Variants in ZNF699 observed in about 807,000 individuals in gnomAD.
ZNF699 encodes zinc finger protein 699.
Under a neutral mutation model 22.5 loss-of-function variants are expected in ZNF699, and 18 were observed. That is an observed-to-expected ratio of 0.80 (90% CI 0.55 to 1.19). The LOEUF (loss-of-function observed/expected upper bound fraction) is 1.19. Among genes scored for constraint, ZNF699 ranks in the 50% most tolerant of loss-of-function variants. The pLI, the probability that ZNF699 is intolerant of heterozygous loss-of-function variation, is 0.00. For missense variants in ZNF699, 670 were observed against 763.4 expected, an observed-to-expected ratio of 0.88 and a Z score of 1.44; for synonymous variants, 241 against 262.3, an observed-to-expected ratio of 0.92 and a Z score of 0.78.
rs1462826386 is a variant in ZNF699, at chr19:9,297,800, T to A, written c.286+80A>T. 1 of 1,121,170 alleles carries A rather than the reference T, an allele frequency of 8.9e-7. No individual in the cohort carries two copies. The highest frequency in any genetic ancestry group is 1.3e-6 in the Non-Finnish European group (1 of 746,184). The allele number at this position is 1,121,170 out of a possible 1,614,324, so 69.5% of individuals were successfully genotyped here. On this transcript the variant is annotated intron_variant, in intron 4 of 5. Transcript: ENST00000591998. This position sits in a 1 kb window ranked among gnomAD's most constrained non-coding sequence, Gnocchi z 4.3. ...TCTGTGGAAGATGAGCTTCCTCATA[T>A]AAAACAAAGTTTGTTTTTGTTTTTT...
chr19:9,295,491 G>A lies in ZNF699; in HGVS notation c.1913C>T (p.Thr638Ile), dbSNP rs772868761. The change falls in exon 6 of 6, where the codon ACT (threonine) becomes ATT (isoleucine). Residue 638 changes from threonine (T) to isoleucine (I), a missense_variant. Thr to Ile is a moderately conservative substitution (Grantham distance 89). Transcript: ENST00000591998. ...AYFRRHVKTH[T>I]RENI Reference sequence around the variant, plus strand: ...TCCTTACATTTATATGTTTTCTCTAGTGTGAGTTTTCACATGCCTTCGAAA... The same window carrying A: ...TCCTTACATTTATATGTTTTCTCTAATGTGAGTTTTCACATGCCTTCGAAA... The A allele has an allele frequency of 2.2e-5, 35 of 1,610,528 alleles. No individual in the cohort carries two copies. The highest frequency in any genetic ancestry group is 3.3e-5 in the South Asian group (3 of 90,730).
Position 9,296,293 on chromosome 19 carries a change from C to G in ZNF699, c.1111G>C (p.Ala371Pro). The change falls in exon 6 of 6, where the codon GCC becomes CCC. Residue 371 changes from alanine (A) to proline (P), a missense_variant. Ala to Pro is a conservative substitution (Grantham distance 27). Coordinates refer to ENST00000591998, the MANE Select transcript of ZNF699 (RefSeq NM_198535.3). ...GTGAGTTTTGAGGACTCGCTGAAGG[C>G]CTTCCCACACTCTTTACATTCATAA... The part of the protein sequence containing the change: ...KPYECKECGK[A>P]FSESSKLTVH... 1 of 1,612,754 alleles carries G rather than the reference C, an allele frequency of 6.2e-7. No individual in the cohort carries two copies. The highest frequency in any genetic ancestry group is 8.5e-7 in the Non-Finnish European group (1 of 1,179,646).
chr19:9,296,528 T>C lies in ZNF699; in HGVS notation c.876A>G (p.Ser292=), dbSNP rs2066287309. ...KECGKGFSCS[S]SLTEHKRIHS... is the part of the protein sequence containing the mutation. Reference sequence around the variant, plus strand: ...GAATTCTTTTGTGTTCTGTGAGCGATGAGGAACAACTAAAACCTTTCCCAC... The same window carrying C: ...GAATTCTTTTGTGTTCTGTGAGCGACGAGGAACAACTAAAACCTTTCCCAC... Residue 292 remains serine (S), a synonymous_variant, in exon 6 of 6, where the codon TCA becomes TCG. Coordinates refer to ENST00000591998, the MANE Select transcript of ZNF699 (RefSeq NM_198535.3). The C allele has an allele frequency of 3.1e-6, 5 of 1,614,012 alleles. No homozygotes were observed. In the African/African-American group the frequency reaches 6.7e-5, roughly 22 times the overall value.
rs1294324257 is a variant in ZNF699, at chr19:9,291,666, C to T, written c.*3809G>A. The T allele has an allele frequency of 6.6e-6, 1 of 150,822 alleles. No individual in the cohort carries two copies. Among genetic ancestry groups the T allele is most frequent in the Non-Finnish European group, 1.5e-5 (1 of 67,842 alleles). 9.3% of individuals were successfully genotyped at this position (150,822 alleles called of 1,614,324 possible). ...AATAATTCTTAAACAGGTGTCAGAT[C>T]TCAAGTTGATCTTTATGCTCATTAA... On this transcript the variant is annotated 3_prime_UTR_variant, in exon 6 of 6. Coordinates refer to ENST00000591998, the MANE Select transcript of ZNF699 (RefSeq NM_198535.3).
rs147541320 is a variant in ZNF699 at position 9,301,870 on chromosome 19, A to G, written c.175+508T>C. Among the ~76,000 whole-genome samples, 71 of 152,016 alleles carry G rather than the reference A, an allele frequency of 4.7e-4. 1 individual carries two copies. The highest frequency in any genetic ancestry group is 1.6e-3 in the African/African-American group (68 of 41,476). On this transcript the variant is annotated intron_variant, in intron 3 of 5. Coordinates refer to ENST00000591998, the MANE Select transcript of ZNF699 (RefSeq NM_198535.3). ...AAGGCTTTCAACCACGAAAAAAAGC[A>G]TCAGTTCAATATACAGATGTTTATT... is the stretch of plus-strand genomic sequence containing the variant.
chr19:9,306,970 T>G (rs952565519), intron 1 of ZNF699, among the ~76,000 whole-genome samples: 4 of 152,142 alleles, frequency 2.6e-5, no homozygotes, highest in African/African-American at 9.7e-5. Flanking sequence ...GAGACCAAGG[T>G]CGGGGGAATC....
At chr19:9,299,105 A>G (rs1348400033) in intron 3 of ZNF699, among the ~76,000 whole-genome samples, 1 of 152,198 alleles carries the variant, frequency 6.6e-6, no homozygotes, top group Non-Finnish European at 1.5e-5. Context: ...AAAAATCTAA[A>G]TGACCTTCTG....
rs969555321 is a variant in ZNF699, at chr19:9,296,060, T to A, written c.1344A>T (p.Glu448Asp). The stretch of plus-strand genomic sequence containing the variant: ...TAAAGGCCTTCCCACATTCCTTACA[T>A]TCATAGGGTTTCTCTCGACTTTGAT... ...VKNQSREKPY[E>D]CKECGKAFSC... Residue 448 changes from glutamate to aspartate, a missense_variant, in exon 6 of 6, where the codon GAA becomes GAT. Transcript: ENST00000591998. 4 of 1,613,956 alleles carry A rather than the reference T, an allele frequency of 2.5e-6. No individual in the cohort carries two copies. Among genetic ancestry groups the A allele is most frequent in the Non-Finnish European group, 3.4e-6 (4 of 1,179,976 alleles).
At chr19:9,302,292 C>G (rs1412062527) in intron 3 of ZNF699, 86 bp downstream of exon 3, 3 of 1,523,950 alleles carry the variant, frequency 2.0e-6, no homozygotes, top group East Asian at 2.3e-5. Flanking sequence ...CTTCCCATTC[C>G]TCAGCCCAAA....
chr19:9,303,531 C>T (rs1230331021), intron 2 of ZNF699, among the ~76,000 whole-genome samples: 1 of 152,190 alleles, frequency 6.6e-6, no homozygotes, highest in Non-Finnish European at 1.5e-5. Context: ...TCCATGCCCT[C>T]TCCTGGCATG....
Position 9,294,689 on chromosome 19 carries a change from T to C in ZNF699, c.*786A>G, listed in dbSNP as rs986748737. ...AGTTAATGTAACACAATTTTTACACTCAAAACACTGGATCCAATTCCCAGC... is the reference window on the plus strand; with the variant it reads ...AGTTAATGTAACACAATTTTTACACCCAAAACACTGGATCCAATTCCCAGC... On this transcript the variant is annotated 3_prime_UTR_variant, in exon 6 of 6. Transcript: ENST00000591998. 1 of 152,054 alleles carries C rather than the reference T, an allele frequency of 6.6e-6. No individual in the cohort carries two copies. The highest frequency in any genetic ancestry group is 1.5e-5 in the Non-Finnish European group (1 of 68,006). The allele number at this position is 152,054 out of a possible 1,614,324, so 9.4% of individuals were successfully genotyped here.
At position 9,297,827 on chromosome 19, in the gene ZNF699, C is replaced by T; in HGVS notation, c.286+53G>A. 1 of 1,421,516 alleles carries T rather than the reference C, an allele frequency of 7.0e-7. No homozygotes were observed. The highest frequency in any genetic ancestry group is 1.7e-5 in the Admixed American group (1 of 57,266). 88.1% of individuals were successfully genotyped at this position (1,421,516 alleles called of 1,614,324 possible). On this transcript the variant is annotated intron_variant, in intron 4 of 5. Coordinates refer to ENST00000591998, the MANE Select transcript of ZNF699 (RefSeq NM_198535.3). The surrounding 1 kb of genome is among the most constrained non-coding windows in gnomAD (Gnocchi z 4.3). ...AAACAAAGTTTGTTTTTGTTTTTTACTTTAAGTTTATTTTTTCCCCCAACC... is the reference window on the plus strand; with the variant it reads ...AAACAAAGTTTGTTTTTGTTTTTTATTTTAAGTTTATTTTTTCCCCCAACC...
At position 9,296,190 on chromosome 19, in the gene ZNF699, G is replaced by A. The variant is rs200990546; in HGVS notation, c.1214C>T (p.Ser405Phe). The A allele has an allele frequency of 1.2e-6, 2 of 1,613,336 alleles. No homozygotes were observed. Among genetic ancestry groups the A allele is most frequent in the Non-Finnish European group, 1.7e-6 (2 of 1,179,802 alleles). Residue 405 changes from serine (S) to phenylalanine (F), a missense_variant, in exon 6 of 6, where the codon TCC becomes TTC. By Grantham distance (155) the Ser-to-Phe change is radical. Coordinates refer to ENST00000591998, the MANE Select transcript of ZNF699 (RefSeq NM_198535.3). ...ECGKAYNCPS[S>F]LSIHMRKHTG... ...GTGTTTTCTCATATGGATACTTAAG[G>A]AGGAGGGACAATTGTAGGCTTTCCC...
At chr19:9,303,344 TA>T (rs1157779176) in intron 2 of ZNF699, among the ~76,000 whole-genome samples, 5 of 152,210 alleles carry the variant, frequency 3.3e-5, no homozygotes, top group Admixed American at 3.3e-4. Context: ...TCTGACTGGC[TA>T]AAATCAGGGC....
In ZNF699 at chr19:9,297,908, CT is replaced by C; in HGVS notation, c.257del (p.Gln86ArgfsTer38). The C allele has an allele frequency of 6.2e-7, 1 of 1,613,730 alleles. No individual in the cohort carries two copies. Among genetic ancestry groups the C allele is most frequent in the Non-Finnish European group, 8.5e-7 (1 of 1,179,922 alleles). The stretch of plus-strand genomic sequence containing the variant: ...CCCGGTGCTCTCCCATAAAGATGCC[CT>C]GGATAAGTTCTCTCTTCACTGTCTG... Reference protein sequence around the residue: ...DLQTVKRELIQGIFMGEHREG... With the variant: ...DLQTVKRELIXGIFMGEHREG... On this transcript the variant is annotated frameshift_variant, in exon 4 of 6. Coordinates refer to ENST00000591998, the MANE Select transcript of ZNF699 (RefSeq NM_198535.3). LOFTEE classifies it high-confidence loss of function. This position sits in a 1 kb window ranked among gnomAD's most constrained non-coding sequence, Gnocchi z 4.3.
rs1377810755 is a variant in ZNF699, at chr19:9,292,804, C to A, written c.*2671G>T. ...CATACATACAATAAAGGACAAGTAA[C>A]CAGAAGGAAACCTTTCAATTTTTTT... On this transcript the variant is annotated 3_prime_UTR_variant, in exon 6 of 6. Coordinates refer to ENST00000591998, the MANE Select transcript of ZNF699 (RefSeq NM_198535.3). Among the ~76,000 whole-genome samples the A allele has an allele frequency of 2.0e-5, 3 of 149,090 alleles. No individual in the cohort carries two copies. The highest frequency in any genetic ancestry group is 4.4e-5 in the Non-Finnish European group (3 of 67,466).
In ZNF699 at chr19:9,295,387, CTT is replaced by C. The variant is rs2066280387; in HGVS notation, c.*86_*87del. The C allele has an allele frequency of 6.8e-7, 1 of 1,479,096 alleles. No homozygotes were observed. Among genetic ancestry groups the C allele is most frequent in the Non-Finnish European group, 9.0e-7 (1 of 1,113,196 alleles). The allele number at this position is 1,479,096 out of a possible 1,614,324, so 91.6% of individuals were successfully genotyped here. ...ACGATGAGCAACAATTTCCTACTTT[CTT>C]ACATTCATAGGGTGTCTCCACAGTA... is the stretch of plus-strand genomic sequence containing the variant. On this transcript the variant is annotated 3_prime_UTR_variant, in exon 6 of 6. Coordinates refer to ENST00000591998, the MANE Select transcript of ZNF699 (RefSeq NM_198535.3).
rs34867149 is a variant in ZNF699, at chr19:9,304,921, CAA to C, written c.48+149_48+150del. The C allele has an allele frequency of 9.9e-3, 2,993 of 303,344 alleles. 1 individual carries two copies. The highest frequency in any genetic ancestry group is 0.014 in the South Asian group (321 of 23,634). 18.8% of individuals were successfully genotyped at this position (303,344 alleles called of 1,614,324 possible). On this transcript the variant is annotated intron_variant, in intron 2 of 5. Coordinates refer to ENST00000591998, the MANE Select transcript of ZNF699 (RefSeq NM_198535.3). ...CTGGCGACAGAGCAAGACTCTGTCT[CAA>C]AAAAAAAAAAAAAAAAACTATAGCC...
Position 9,295,822 on chromosome 19 carries a change from C to T in ZNF699, c.1582G>A (p.Glu528Lys). 6.2e-7 allele frequency: 1 copy of T among 1,614,164 alleles called. No individual in the cohort carries two copies. Among genetic ancestry groups the T allele is most frequent in the Non-Finnish European group, 8.5e-7 (1 of 1,180,034 alleles). The change falls in exon 6 of 6, where the codon GAG becomes AAG. Residue 528 changes from glutamate (E) to lysine (K), a missense_variant. Coordinates refer to ENST00000591998, the MANE Select transcript of ZNF699 (RefSeq NM_198535.3). The stretch of plus-strand genomic sequence containing the variant: ...CATTTCTTACATTCATAGGGTTTCT[C>T]TCCAGTGTGAGTTCTGATATGTACT... ...LTVHIRTHTG[E>K]KPYECKKCGK...
Sources: allele counts gnomAD v4.1 joint callset (sites outside exome capture counted in the v4.1 genomes callset), GRCh38; gene constraint gnomAD v4.1.1; non-coding constraint Gnocchi (gnomAD v3.1); transcripts MANE v1.5; gene names NCBI Gene and HGNC (gene_info 2026-07-23, HGNC 2026-07-21).